Variants in KCNIP1 observed in about 807,000 individuals in gnomAD.
The protein encoded by KCNIP1 is potassium voltage-gated channel interacting protein 1, also known as A-type potassium channel modulatory protein KCNIP1.
A neutral mutation model predicts 33.0 loss-of-function variants in KCNIP1; 18 were observed. The observed-to-expected ratio is 0.55, with a 90% CI of 0.38 to 0.81. The LOEUF (loss-of-function observed/expected upper bound fraction) is 0.81, where lower values mean the gene tolerates loss of function less well. Among genes scored for constraint, KCNIP1 ranks in the 30% least tolerant of loss-of-function variants. KCNIP1 has a pLI of 0.00. For missense variants in KCNIP1, 238 were observed against 271.6 expected, an observed-to-expected ratio of 0.88 and a Z score of 0.87; for synonymous variants, 93 against 98.3, an observed-to-expected ratio of 0.95 and a Z score of 0.32.
intron 1 of KCNIP1, among the ~76,000 whole-genome samples, chr5:170,360,359 C>G (rs1270074158): frequency 6.6e-6 from 1 of 152,220 alleles, no homozygotes; most frequent in African/African-American, 2.4e-5. Context: ...AACAGGACAG[C>G]CTTGGGCAAG....
In KCNIP1 at chr5:170,378,867, G is replaced by A. The variant is rs376837648; in HGVS notation, c.88+24903G>A. On this transcript the variant is annotated intron_variant, in intron 1 of 7. Transcript: ENST00000377360. ...GACGCTGGTTTCGTTCCCCCGAGGT[G>A]CGGAGAAGCAGTAGAAGACCTGCTG... The A allele has an allele frequency of 5.6e-6, 9 of 1,614,246 alleles. No individual in the cohort carries two copies. Among genetic ancestry groups the A allele is most frequent in the Non-Finnish European group, 7.6e-6 (9 of 1,180,046 alleles).
Position 170,490,940 on chromosome 5 carries a change from ACAAT to A in KCNIP1, c.88+136979_88+136982del, listed in dbSNP as rs560139563. 1.7e-3 allele frequency among the ~76,000 whole-genome samples: 254 copies of A among 152,268 alleles called. 1 individual carries two copies. The highest frequency in any genetic ancestry group is 0.01 in the Middle Eastern group (3 of 294). ...AAGTAACTTCTGTCATTCAAATTTC[ACAAT>A]CAGTCTCCTTTTCTTGTAAGGCCTT... On this transcript the variant is annotated intron_variant, in intron 1 of 7. Transcript: ENST00000377360.
At chr5:170,451,723 TTGTGTGTGTGTGTGTGTG>T (rs67542248) in intron 1 of KCNIP1, among the ~76,000 whole-genome samples, 2,587 of 122,972 alleles carry the variant, frequency 0.021, 61 homozygotes, top group African/African-American at 0.066. Flanking sequence ...TTCTCCTGCA[TTGTGTGTGTGTGTGTGTG>T]TGTGTGTGTG....
intron 1 of KCNIP1, among the ~76,000 whole-genome samples, chr5:170,367,412 AGAAAGAAAG>A (rs1403593248): frequency 0.023 from 2,372 of 104,020 alleles, 82 homozygotes; most frequent in African/African-American, 0.031. Flanking sequence ...AAAGAAAGAA[AGAAAGAAAG>A]GAAAGAAAGA....
chr5:170,467,551 T>C (rs1756633608), intron 1 of KCNIP1, among the ~76,000 whole-genome samples: 1 of 152,062 alleles, frequency 6.6e-6, no homozygotes, highest in Admixed American at 6.6e-5. Flanking sequence ...CCATCCACGC[T>C]CAGGTTCTTA....
At chr5:170,439,205 G>T (rs35263968) in intron 1 of KCNIP1, among the ~76,000 whole-genome samples, 1 of 152,010 alleles carries the variant, frequency 6.6e-6, no homozygotes, top group African/African-American at 2.4e-5. Flanking sequence ...AATGGGGTTA[G>T]GGCTGCTGTG....
chr5:170,358,827 T>G (rs1454143961), intron 1 of KCNIP1, among the ~76,000 whole-genome samples: 1 of 152,162 alleles, frequency 6.6e-6, no homozygotes, highest in Non-Finnish European at 1.5e-5. Context: ...GCTCCCCTGG[T>G]GAGTGGCAGA....
chr5:170,586,373 T>A (rs1034300666), intron 1 of KCNIP1, among the ~76,000 whole-genome samples: 7 of 152,170 alleles, frequency 4.6e-5, no homozygotes, highest in African/African-American at 1.7e-4. Flanking sequence ...ATGATGAAGA[T>A]GCTGATGGGG....
At chr5:170,511,749 G>A (rs1211418516) in intron 1 of KCNIP1, among the ~76,000 whole-genome samples, 2 of 152,192 alleles carry the variant, frequency 1.3e-5, no homozygotes, top group African/African-American at 4.8e-5. Flanking sequence ...CTCTAAAAAG[G>A]GAAGTGCCTT....
intron 1 of KCNIP1, among the ~76,000 whole-genome samples, chr5:170,562,568 C>T (rs563403951): frequency 2.3e-4 from 35 of 152,276 alleles, no homozygotes; most frequent in African/African-American, 8.2e-4. Context: ...AGTGGGTCCC[C>T]GCAAATGCAT....
At chr5:170,553,716 G>A (rs1386295830) in intron 1 of KCNIP1, among the ~76,000 whole-genome samples, 1 of 152,246 alleles carries the variant, frequency 6.6e-6, no homozygotes, top group African/African-American at 2.4e-5. Flanking sequence ...CAAGTAAGAA[G>A]GAGAGGGCCT....
chr5:170,486,159 A>G (rs1037161814), intron 1 of KCNIP1: 7 of 152,188 alleles, frequency 4.6e-5, no homozygotes, highest in African/African-American at 1.2e-4. Flanking sequence ...GGACCTGCGA[A>G]AAAGCTCTGT....
upstream of KCNIP1, among the ~76,000 whole-genome samples, chr5:170,501,156 C>T (rs1460669149): frequency 6.6e-6 from 1 of 152,136 alleles, no homozygotes; most frequent in African/African-American, 2.4e-5. Flanking sequence ...TGATAAGAAG[C>T]CCTGGGTGCT....
chr5:170,565,788 G>A (rs1275759956), intron 1 of KCNIP1, among the ~76,000 whole-genome samples: 1 of 152,258 alleles, frequency 6.6e-6, no homozygotes, highest in South Asian at 2.1e-4. Context: ...CGAAATGGAA[G>A]GAAACAATGT....
intron 5 of KCNIP1, among the ~76,000 whole-genome samples, chr5:170,723,805 A>G (rs1717719373): frequency 6.6e-6 from 1 of 152,178 alleles, no homozygotes; most frequent in African/African-American, 2.4e-5. Flanking sequence ...CTCTCCAAGG[A>G]GGTGTCGTCA....
intron 1 of KCNIP1, among the ~76,000 whole-genome samples, chr5:170,488,460 T>C (rs1213360910): frequency 6.6e-6 from 1 of 152,166 alleles, no homozygotes; most frequent in Non-Finnish European, 1.5e-5. Context: ...TCACTCTCTA[T>C]GAAGCAGTGA....
intron 1 of KCNIP1, among the ~76,000 whole-genome samples, chr5:170,621,945 G>C (rs1312585306): frequency 6.6e-6 from 1 of 152,224 alleles, no homozygotes; most frequent in African/African-American, 2.4e-5. Flanking sequence ...GTATAGAGAC[G>C]TGTGGAGTCT....
intron 1 of KCNIP1, among the ~76,000 whole-genome samples, chr5:170,631,405 T>C (rs2064906554): frequency 6.6e-6 from 1 of 152,074 alleles, no homozygotes. Context: ...AGGAAGGGGC[T>C]TCAGGAACCA....
chr5:170,475,629 C>T (rs1267571031), intron 1 of KCNIP1, among the ~76,000 whole-genome samples: 1 of 152,208 alleles, frequency 6.6e-6, no homozygotes, highest in African/African-American at 2.4e-5. Context: ...CTCAATATAT[C>T]TTTCTGTTCT....
Sources: gnomAD v4.1 joint callset for allele counts (sites outside exome capture counted in the v4.1 genomes callset) on GRCh38, gnomAD v4.1.1 for gene constraint, MANE v1.5 for transcripts, NCBI Gene and HGNC (gene_info 2026-07-23, HGNC 2026-07-21) for gene names.